NR6A1: variants seen among roughly 807,000 people sequenced by gnomAD.
The protein encoded by NR6A1 is nuclear receptor subfamily 6 group A member 1, also known as retinoic acid receptor-related testis-associated receptor.
A neutral mutation model predicts 59.1 loss-of-function variants in NR6A1; 7 were observed. That is an observed-to-expected ratio of 0.12 (90% CI 0.07 to 0.22). The LOEUF (loss-of-function observed/expected upper bound fraction) is 0.22. Ranked by LOEUF, NR6A1 falls within the 10% of genes least tolerant of loss-of-function variation. The pLI is 1.00. For missense variants in NR6A1, 468 were observed against 611.6 expected, an observed-to-expected ratio of 0.77 and a Z score of 2.48; for synonymous variants, 243 against 236.1, an observed-to-expected ratio of 1.03 and a Z score of -0.27.
At chr9:124,554,177 T>C in intron 3 of NR6A1, 151 bp downstream of exon 3, 1 of 1,200,570 alleles carries the variant, frequency 8.3e-7, no homozygotes, top group Non-Finnish European at 1.2e-6. Context: ...AGGAAGGTCT[T>C]ATAGGCAAGA....
chr9:124,758,817 G>A (rs1438435864), intron 1 of NR6A1, among the ~76,000 whole-genome samples: 1 of 152,194 alleles, frequency 6.6e-6, no homozygotes, highest in East Asian at 1.9e-4. Context: ...AATCATCCCA[G>A]AGAATGTGGG....
intron 2 of NR6A1, among the ~76,000 whole-genome samples, chr9:124,639,314 C>T (rs755844245): frequency 2.6e-4 from 40 of 152,268 alleles, no homozygotes; most frequent in Non-Finnish European, 5.1e-4. Flanking sequence ...CCAACAATAA[C>T]GAGGTCACTA....
At chr9:124,544,969 T>C (rs1197999676) in intron 3 of NR6A1, among the ~76,000 whole-genome samples, 1 of 152,196 alleles carries the variant, frequency 6.6e-6, no homozygotes, top group Non-Finnish European at 1.5e-5. Context: ...CATTATGTAA[T>C]AGCAGGCCTT....
At chr9:124,644,606 T>C (rs1373019182) in intron 2 of NR6A1, among the ~76,000 whole-genome samples, 1 of 152,070 alleles carries the variant, frequency 6.6e-6, no homozygotes, top group African/African-American at 2.4e-5. Context: ...GAGACATTGG[T>C]AAAAGGGAAA....
At chr9:124,530,417 C>G (rs1833070946) in intron 7 of NR6A1, among the ~76,000 whole-genome samples, 1 of 152,240 alleles carries the variant, frequency 6.6e-6, no homozygotes, top group South Asian at 2.1e-4. Context: ...AGCCGTGCCT[C>G]CTCCACATCT....
At chr9:124,679,616 C>A (rs1272869721) in intron 2 of NR6A1, among the ~76,000 whole-genome samples, 2 of 151,982 alleles carry the variant, frequency 1.3e-5, no homozygotes. Flanking sequence ...AAAGGCTGGG[C>A]ACAGTGGCTG....
chr9:124,664,929 T>G (rs1019076088), intron 2 of NR6A1, among the ~76,000 whole-genome samples: 1 of 148,378 alleles, frequency 6.7e-6, no homozygotes, highest in African/African-American at 2.5e-5. Context: ...TCCCAGCACT[T>G]TGGGAGGCAA....
chr9:124,657,889 T>C (rs1355998499), intron 2 of NR6A1, among the ~76,000 whole-genome samples: 1 of 152,178 alleles, frequency 6.6e-6, no homozygotes, highest in Non-Finnish European at 1.5e-5. Flanking sequence ...TCTATCCAAT[T>C]TTCATTAAGA....
chr9:124,601,867 T>A (rs957367983), intron 2 of NR6A1, among the ~76,000 whole-genome samples: 9 of 150,286 alleles, frequency 6.0e-5, no homozygotes, highest in Non-Finnish European at 1.3e-4. Context: ...GGTGGGAGGG[T>A]TGCTTGAGCC....
intron 2 of NR6A1, among the ~76,000 whole-genome samples, chr9:124,692,808 T>C (rs1169517785): frequency 6.6e-6 from 1 of 152,258 alleles, no homozygotes; most frequent in African/African-American, 2.4e-5. Flanking sequence ...ATATGCACCA[T>C]TCTGGTGAGA....
intron 2 of NR6A1, among the ~76,000 whole-genome samples, chr9:124,625,809 A>C (rs1836224597): frequency 6.6e-6 from 1 of 152,006 alleles, no homozygotes; most frequent in African/African-American, 2.4e-5. Flanking sequence ...GTGCCTCATC[A>C]AATTAGGTGA....
At chr9:124,760,103 C>T (rs2131193456) in intron 1 of NR6A1, among the ~76,000 whole-genome samples, 1 of 144,756 alleles carries the variant, frequency 6.9e-6, no homozygotes, top group East Asian at 2.1e-4. Flanking sequence ...CCTGAGATCA[C>T]AAGTTCGAGA....
chr9:124,654,203 A>G (rs1337620732), intron 2 of NR6A1, among the ~76,000 whole-genome samples: 2 of 152,204 alleles, frequency 1.3e-5, no homozygotes, highest in Non-Finnish European at 2.9e-5. Context: ...GCTTGGGAGG[A>G]ACCCCAGTTA....
intron 1 of NR6A1, among the ~76,000 whole-genome samples, chr9:124,765,432 A>G (rs1436570819): frequency 1.3e-5 from 2 of 152,250 alleles, no homozygotes; most frequent in Admixed American, 6.5e-5. Flanking sequence ...GAATTTGGCC[A>G]GTTTGCTTCT....
chr9:124,764,740 A>C lies in NR6A1; in HGVS notation c.100+6280T>G, dbSNP rs141251572. Among the ~76,000 whole-genome samples the C allele has an allele frequency of 1.0e-2, 1,517 of 152,326 alleles. 10 individuals are homozygous for C. Among genetic ancestry groups the C allele is most frequent in the Non-Finnish European group, 0.017 (1,125 of 68,028 alleles). On this transcript the variant is annotated intron_variant, in intron 1 of 9. Transcript: ENST00000487099. ...AGCTATTACTCTAACAACTCCCTTA[A>C]TCACTATTACCAAATTTTTAAAATA... is the stretch of plus-strand genomic sequence containing the variant.
chr9:124,575,330 T>C (rs1357610206), intron 2 of NR6A1, among the ~76,000 whole-genome samples: 3 of 152,130 alleles, frequency 2.0e-5, no homozygotes, highest in Non-Finnish European at 4.4e-5. Context: ...TCCTAGCACT[T>C]TGGGAGGCTA....
chr9:124,657,749 C>G (rs944949788), intron 2 of NR6A1, among the ~76,000 whole-genome samples: 1 of 150,356 alleles, frequency 6.7e-6, no homozygotes, highest in South Asian at 2.1e-4. Context: ...CTTCCCCCCC[C>G]CAGCAACCCC....
At chr9:124,544,984 G>A (rs1833556536) in intron 3 of NR6A1, among the ~76,000 whole-genome samples, 1 of 152,116 alleles carries the variant, frequency 6.6e-6, no homozygotes, top group South Asian at 2.1e-4. Context: ...GGCCTTGCTA[G>A]GATATACCTG....
intron 2 of NR6A1, among the ~76,000 whole-genome samples, chr9:124,560,079 G>A (rs1286918116): frequency 6.6e-6 from 1 of 152,180 alleles, no homozygotes; most frequent in African/African-American, 2.4e-5. Flanking sequence ...CCAATCAGGA[G>A]TGGAGCTGGA....
Sources: gnomAD v4.1 joint callset for allele counts (sites outside exome capture counted in the v4.1 genomes callset) on GRCh38, gnomAD v4.1.1 for gene constraint, MANE v1.5 for transcripts, NCBI Gene and HGNC (gene_info 2026-07-23, HGNC 2026-07-21) for gene names.